MARCHF6: variants seen among roughly 807,000 people sequenced by gnomAD.
MARCHF6 encodes E3 ubiquitin-protein ligase MARCHF6.
Under a neutral mutation model 133.7 loss-of-function variants are expected in MARCHF6, and 31 were observed. The ratio of observed to expected loss-of-function variants is 0.23; its 90% CI spans 0.17 to 0.31. The LOEUF is 0.31. MARCHF6 is among the 10% of genes least tolerant of loss of function. The probability of loss-of-function intolerance (pLI) is 1.00; values close to 1 mark genes in which losing one functional copy is unlikely to be tolerated. For synonymous variants in MARCHF6, 395 were observed against 402.5 expected (o/e 0.98, Z 0.22); for missense variants, 723 against 1,121.6 (o/e 0.64, Z 5.08).
At chr5:10,361,283 G>A (rs1735805368) in intron 1 of MARCHF6, among the ~76,000 whole-genome samples, 1 of 152,194 alleles carries the variant, frequency 6.6e-6, no homozygotes, top group Admixed American at 6.5e-5. Flanking sequence ...TTCAGTTTTA[G>A]ATATTGTTTT....
intron 17 of MARCHF6, 138 bp from the exon 18 acceptor site, chr5:10,410,001 A>C (rs1159342762): frequency 4.4e-6 from 4 of 900,230 alleles, no homozygotes; most frequent in Non-Finnish European, 6.7e-6. Flanking sequence ...GGAAAGCCTC[A>C]CTGAGTTGGA....
intron 4 of MARCHF6, among the ~76,000 whole-genome samples, chr5:10,383,917 G>C (rs1406488827): frequency 6.6e-6 from 1 of 152,176 alleles, no homozygotes; most frequent in African/African-American, 2.4e-5. Context: ...GATTATAGAT[G>C]TTCTAGATGT....
intron 5 of MARCHF6, among the ~76,000 whole-genome samples, chr5:10,387,656 T>C (rs921130333): frequency 2.6e-5 from 4 of 152,132 alleles, no homozygotes; most frequent in African/African-American, 9.7e-5. Context: ...ACTACTGTCT[T>C]ATGTTCACAA....
At chr5:10,377,916 T>C in intron 2 of MARCHF6, 22 bp downstream of exon 2, 1 of 1,464,116 alleles carries the variant, frequency 6.8e-7, no homozygotes, top group Non-Finnish European at 9.6e-7. Context: ...TTTTAGAAAG[T>C]TATGTAAGTC....
chr5:10,391,684 A>G lies in MARCHF6; in HGVS notation c.719A>G (p.Asp240Gly). The change falls in exon 7 of 26, where the codon GAT becomes GGT. Residue 240 changes from aspartate to glycine, a missense_variant. By Grantham distance (94) the Asp-to-Gly change is moderately conservative. This residue lies in a region of MARCHF6 where 97 missense variants were observed against 115.4 expected (regional missense o/e 0.84). Coordinates refer to ENST00000274140, the MANE Select transcript of MARCHF6 (RefSeq NM_005885.4). Reference sequence around the variant, plus strand: ...GAGGAGGAGGACAATGAGGAGGAAGATGACGCTGGTGTGGAGGATGCGGCA... The same window carrying G: ...GAGGAGGAGGACAATGAGGAGGAAGGTGACGCTGGTGTGGAGGATGCGGCA... The part of the protein sequence containing the change: ...EEEEEDNEEE[D>G]DAGVEDAADA... 1 of 1,605,278 alleles carries G rather than the reference A, an allele frequency of 6.2e-7. No individual in the cohort carries two copies. The highest frequency in any genetic ancestry group is 8.5e-7 in the Non-Finnish European group (1 of 1,175,824).
intron 1 of MARCHF6, among the ~76,000 whole-genome samples, chr5:10,363,776 A>C (rs1417322072): frequency 2.0e-5 from 3 of 152,238 alleles, no homozygotes; most frequent in Admixed American, 2.0e-4. Flanking sequence ...CCAGCAGTTC[A>C]AAGGAATTAA....
chr5:10,367,369 T>A (rs934187261), intron 1 of MARCHF6, among the ~76,000 whole-genome samples: 1 of 152,230 alleles, frequency 6.6e-6, no homozygotes, highest in Admixed American at 6.5e-5. Context: ...GGATATTGTG[T>A]GCTGGGTATA....
rs548427989 is a variant in MARCHF6 at position 10,387,582 on chromosome 5, C to T, written c.407+516C>T. Among the ~76,000 whole-genome samples, 33 of 152,260 alleles carry T rather than the reference C, an allele frequency of 2.2e-4. No homozygotes were observed. In the East Asian group the frequency reaches 3.1e-3, roughly 14 times the overall value. On this transcript the variant is annotated intron_variant, in intron 5 of 25. Coordinates refer to ENST00000274140, the MANE Select transcript of MARCHF6 (RefSeq NM_005885.4). ...GCTCCCAAAGTGCTGGGATTACAGGCGTGAGCCACCGCGCCCGTCCGGGAT... is the reference window on the plus strand; with the variant it reads ...GCTCCCAAAGTGCTGGGATTACAGGTGTGAGCCACCGCGCCCGTCCGGGAT...
chr5:10,376,137 G>A (rs1008802151), intron 1 of MARCHF6, among the ~76,000 whole-genome samples: 33 of 152,124 alleles, frequency 2.2e-4, no homozygotes, highest in Non-Finnish European at 3.8e-4. Flanking sequence ...CTTCCACACT[G>A]TGGAAGCTTT....
intron 1 of MARCHF6, among the ~76,000 whole-genome samples, chr5:10,365,251 G>A (rs1736071075): frequency 6.6e-6 from 1 of 152,098 alleles, no homozygotes; most frequent in Admixed American, 6.5e-5. Context: ...TAGTAATCTG[G>A]TGAGCTAAAA....
At chr5:10,356,386 TA>T (rs1735471201) in intron 1 of MARCHF6, among the ~76,000 whole-genome samples, 1 of 146,640 alleles carries the variant, frequency 6.8e-6, no homozygotes, top group African/African-American at 2.5e-5. Context: ...TATTTTATTT[TA>T]TTTTATTTTA....
At chr5:10,381,973 T>C (rs1412033425) in intron 4 of MARCHF6, 30 bp downstream of exon 4, 12 of 1,598,178 alleles carry the variant, frequency 7.5e-6, no homozygotes, top group South Asian at 5.6e-5. Context: ...ATTGGAGTTA[T>C]TTAAACATTG....
At chr5:10,415,438 A>G (rs757944885) in intron 20 of MARCHF6, 50 bp from the exon 21 acceptor site, 17 of 1,502,836 alleles carry the variant, frequency 1.1e-5, no homozygotes, top group African/African-American at 4.1e-5. Flanking sequence ...GAAGATGACA[A>G]TTCTCTTTAC....
chr5:10,368,078 T>C (rs1736240624), intron 1 of MARCHF6, among the ~76,000 whole-genome samples: 1 of 152,222 alleles, frequency 6.6e-6, no homozygotes, highest in African/African-American at 2.4e-5. Context: ...TAATTTTTAG[T>C]AAAGGACTTT....
At chr5:10,368,438 G>T (rs1250209123) in intron 1 of MARCHF6, among the ~76,000 whole-genome samples, 3 of 152,140 alleles carry the variant, frequency 2.0e-5, no homozygotes, top group Non-Finnish European at 4.4e-5. Context: ...TTTGAGACCA[G>T]ACTGGGCAAC....
At chr5:10,392,702 T>C (rs187986885) in intron 7 of MARCHF6, among the ~76,000 whole-genome samples, 2 of 150,670 alleles carry the variant, frequency 1.3e-5, no homozygotes, top group Admixed American at 1.3e-4. Context: ...TGCAGGGAGC[T>C]GAGATCATGC....
At chr5:10,401,303 G>A (rs1738522129) in intron 11 of MARCHF6, 1 of 156,008 alleles carries the variant, frequency 6.4e-6, no homozygotes, top group Non-Finnish European at 1.4e-5. Context: ...AATAAATTTT[G>A]GAAGGATTAT....
At position 10,402,113 on chromosome 5, in the gene MARCHF6, T is replaced by C. The variant is rs780024999; in HGVS notation, c.1027T>C (p.Leu343=). ...CACAACCATAGTTGGGTATATACTT[T>C]TAGCAATAACACTGATAATTTGTCA... ...LITTIVGYIL[L]AITLIICHGL... Residue 343 remains leucine, a synonymous_variant, in exon 12 of 26, where the codon TTA becomes CTA. Transcript: ENST00000274140. 1 of 1,607,998 alleles carries C rather than the reference T, an allele frequency of 6.2e-7. No homozygotes were observed. The highest frequency in any genetic ancestry group is 1.7e-5 in the Admixed American group (1 of 59,688).
chr5:10,377,427 A>G (rs1478171707), intron 1 of MARCHF6, among the ~76,000 whole-genome samples: 1 of 152,156 alleles, frequency 6.6e-6, no homozygotes, highest in African/African-American at 2.4e-5. Flanking sequence ...TAAACCGTTA[A>G]ATTGTTAAGA....
Sources: gnomAD v4.1 joint callset for allele counts (sites outside exome capture counted in the v4.1 genomes callset) on GRCh38, gnomAD v4.1.1 for gene constraint, gnomAD v4.1.1 regional missense constraint, MANE v1.5 for transcripts, NCBI Gene and HGNC (gene_info 2026-07-23, HGNC 2026-07-21) for gene names.